TENM2: variants seen among roughly 807,000 people sequenced by gnomAD.
TENM2 encodes the protein teneurin-2.
Under a neutral mutation model 245.2 loss-of-function variants are expected in TENM2, and 52 were observed. That is an observed-to-expected ratio of 0.21 (90% CI 0.17 to 0.27). The LOEUF is 0.27. Ranked by LOEUF, TENM2 falls within the 10% of genes least tolerant of loss-of-function variation. The pLI, the probability that TENM2 is intolerant of heterozygous loss-of-function variation, is 1.00. For synonymous variants in TENM2, 1,363 were observed against 1,438.9 expected, an observed-to-expected ratio of 0.95 and a Z score of 1.19; for missense variants, 3,046 against 3,666.8, an observed-to-expected ratio of 0.83 and a Z score of 4.37.
Position 167,363,548 on chromosome 5 carries a change from G to A in TENM2, c.227-11650G>A, listed in dbSNP as rs892109008. 7.9e-5 allele frequency among the ~76,000 whole-genome samples: 12 copies of A among 151,886 alleles called. No individual in the cohort carries two copies. The South Asian group carries it at 1.0e-3, about 13-fold the overall frequency. On this transcript the variant is annotated intron_variant, in intron 1 of 28. Coordinates refer to ENST00000518659, the Ensembl canonical transcript of TENM2. ...AGGTCAAGACCATCCTGGTTAACAC[G>A]GTGAAACCCTGTCTCTACTAAAAAT...
At chr5:167,452,964 T>TAAAA (rs70976429) in intron 2 of TENM2, among the ~76,000 whole-genome samples, 2 of 108,222 alleles carry the variant, frequency 1.8e-5, no homozygotes, top group Non-Finnish European at 3.7e-5. Flanking sequence ...TATATATATT[T>TAAAA]AAAAAAAAAA....
the TENM2 span, among the ~76,000 whole-genome samples, chr5:167,203,020 A>G: frequency 8.7e-4 from 132 of 152,290 alleles, no homozygotes; most frequent in African/African-American, 2.9e-3. Context: ...GCCAAATACC[A>G]TACACATCTT....
chr5:167,581,939 C>T (rs770880191), intron 2 of TENM2, among the ~76,000 whole-genome samples: 4 of 151,688 alleles, frequency 2.6e-5, no homozygotes, highest in Admixed American at 6.6e-5. Flanking sequence ...AAAAATCAAG[C>T]GTTACAAAGC....
intron 3 of TENM2, among the ~76,000 whole-genome samples, chr5:167,930,609 G>T (rs1340960989): frequency 6.6e-6 from 1 of 151,880 alleles, no homozygotes; most frequent in African/African-American, 2.4e-5. Flanking sequence ...TGAATAGCTA[G>T]GACTACAGGT....
chr5:167,403,813 A>C (rs984927820), intron 2 of TENM2, among the ~76,000 whole-genome samples: 2 of 152,114 alleles, frequency 1.3e-5, no homozygotes, highest in Non-Finnish European at 2.9e-5. Flanking sequence ...TAACACAGAA[A>C]GTTGGTGGTG....
At chr5:167,145,711 C>T in the TENM2 span, among the ~76,000 whole-genome samples, 14 of 152,144 alleles carry the variant, frequency 9.2e-5, no homozygotes, top group Non-Finnish European at 1.8e-4. Context: ...CAGATCCTTC[C>T]GCTGCCCGGC....
At chr5:167,875,183 G>A (rs1186509501) in intron 2 of TENM2, among the ~76,000 whole-genome samples, 2 of 152,150 alleles carry the variant, frequency 1.3e-5, no homozygotes, top group East Asian at 1.9e-4. Flanking sequence ...GCAGGCAGAT[G>A]GGCAAATTTC....
intron 2 of TENM2, among the ~76,000 whole-genome samples, chr5:167,611,034 G>A (rs1777443775): frequency 6.6e-6 from 1 of 152,186 alleles, no homozygotes; most frequent in Admixed American, 6.5e-5. Context: ...TTATCTTACA[G>A]GTAGAAATGG....
chr5:167,952,941 G>C, intron 4 of TENM2, 119 bp downstream of exon 6: 1 of 798,620 alleles, frequency 1.3e-6, no homozygotes, highest in Non-Finnish European at 2.0e-6. Flanking sequence ...TATAAATAAT[G>C]AGACAAGTTT....
chr5:167,280,576 T>C (rs1205220293), upstream of TENM2, among the ~76,000 whole-genome samples: 1 of 152,024 alleles, frequency 6.6e-6, no homozygotes, highest in Non-Finnish European at 1.5e-5. Flanking sequence ...TTGGTTTCCA[T>C]GGTGTGTGGC....
chr5:168,051,658 T>C (rs535978730), intron 6 of TENM2, among the ~76,000 whole-genome samples: 6 of 152,266 alleles, frequency 3.9e-5, no homozygotes, highest in Non-Finnish European at 7.4e-5. Flanking sequence ...CACTATAATA[T>C]AGGATTTTGG....
chr5:167,820,709 A>G (rs1038116601), intron 2 of TENM2, among the ~76,000 whole-genome samples: 1 of 152,180 alleles, frequency 6.6e-6, no homozygotes, highest in African/African-American at 2.4e-5. Context: ...ACAAGATATG[A>G]CTGGCCCCTC....
chr5:166,996,931 T>C, the TENM2 span, among the ~76,000 whole-genome samples: 15 of 152,202 alleles, frequency 9.9e-5, no homozygotes, highest in African/African-American at 2.9e-4. Flanking sequence ...TCTCCAAATA[T>C]ACACACAGCA....
At chr5:168,079,779 C>T (rs1791813814) in intron 7 of TENM2, among the ~76,000 whole-genome samples, 2 of 152,206 alleles carry the variant, frequency 1.3e-5, no homozygotes, top group Admixed American at 1.3e-4. Flanking sequence ...AGGGATGAAG[C>T]CCACTTGATC....
intron 2 of TENM2, among the ~76,000 whole-genome samples, chr5:167,584,758 A>C (rs1775362785): frequency 6.6e-6 from 1 of 151,180 alleles, no homozygotes; most frequent in South Asian, 2.1e-4. Context: ...GCAGTGGCAC[A>C]ATCTCGGCTC....
intron 4 of TENM2, among the ~76,000 whole-genome samples, chr5:167,970,845 A>AG (rs1781722972): frequency 1.3e-5 from 2 of 152,048 alleles, no homozygotes; most frequent in African/African-American, 4.8e-5. Context: ...TCAGTGCAGC[A>AG]GGGGGTAAGG....
At chr5:167,306,998 C>T (rs1384111696) in intron 1 of TENM2, among the ~76,000 whole-genome samples, 2 of 152,140 alleles carry the variant, frequency 1.3e-5, no homozygotes, top group Non-Finnish European at 2.9e-5. Flanking sequence ...CAAACCCAAG[C>T]TATTGCACTC....
intron 10 of TENM2, among the ~76,000 whole-genome samples, chr5:168,120,211 C>T (rs921437537): frequency 7.2e-5 from 11 of 152,006 alleles, no homozygotes; most frequent in South Asian, 2.1e-4. Flanking sequence ...AAGTCTGACC[C>T]CCAGATCTTC....
chr5:168,106,772 A>G (rs1487425105), intron 9 of TENM2, among the ~76,000 whole-genome samples: 1 of 152,198 alleles, frequency 6.6e-6, no homozygotes, highest in Non-Finnish European at 1.5e-5. Context: ...TTGAAACAAA[A>G]GCCCCTGGCC....
Sources: gnomAD v4.1 joint callset for allele counts (sites outside exome capture counted in the v4.1 genomes callset) on GRCh38, gnomAD v4.1.1 for gene constraint, MANE v1.5 for transcripts, NCBI Gene and HGNC (gene_info 2026-07-23, HGNC 2026-07-21) for gene names.